Variants in CPA6 observed in about 807,000 individuals in gnomAD.
The protein encoded by CPA6 is carboxypeptidase A6, also known as carboxypeptidase B.
A neutral mutation model predicts 63.3 loss-of-function variants in CPA6; 58 were observed. The observed-to-expected ratio is 0.92, with a 90% CI of 0.74 to 1.14. The LOEUF (loss-of-function observed/expected upper bound fraction) is 1.14. Among genes scored for constraint, CPA6 ranks in the 50% most tolerant of loss-of-function variants. The pLI is 0.00. For missense variants in CPA6, 565 were observed against 526.6 expected (o/e 1.07, Z -0.71); for synonymous variants, 185 against 179.0 (o/e 1.03, Z -0.27).
chr8:67,576,102 G>C lies in CPA6; in HGVS notation c.192+48074C>G, dbSNP rs1813618856. 2.0e-5 allele frequency among the ~76,000 whole-genome samples: 3 copies of C among 152,004 alleles called. No homozygotes were observed. In the South Asian group the frequency reaches 6.2e-4, roughly 32 times the overall value. The stretch of plus-strand genomic sequence containing the variant: ...TAGTAGGAATAAGTTGGATTTTTTT[G>C]AGATCTACTGCACAGCATGGTAAAT... On this transcript the variant is annotated intron_variant, in intron 2 of 10. Coordinates refer to ENST00000297770, the MANE Select transcript of CPA6 (RefSeq NM_020361.5).
intron 1 of CPA6, among the ~76,000 whole-genome samples, chr8:67,730,025 C>T (rs934682777): frequency 4.6e-5 from 7 of 152,198 alleles, no homozygotes; most frequent in East Asian, 1.9e-4. Flanking sequence ...AGATGTAGGG[C>T]GGGGGAGGAT....
At chr8:67,540,584 A>G (rs1001243587) in intron 2 of CPA6, among the ~76,000 whole-genome samples, 1 of 152,208 alleles carries the variant, frequency 6.6e-6, no homozygotes, top group Non-Finnish European at 1.5e-5. Flanking sequence ...GGAACGTTTA[A>G]GTCTCCTCAA....
chr8:67,642,882 A>C (rs1470825043), intron 1 of CPA6, among the ~76,000 whole-genome samples: 1 of 152,282 alleles, frequency 6.6e-6, no homozygotes, highest in African/African-American at 2.4e-5. Flanking sequence ...AAGATTAAGA[A>C]GAAAACATAA....
intron 1 of CPA6, among the ~76,000 whole-genome samples, chr8:67,687,874 G>A (rs1816738447): frequency 6.6e-6 from 1 of 152,162 alleles, no homozygotes; most frequent in Non-Finnish European, 1.5e-5. Context: ...CGATTCAAAT[G>A]CAAGGTTTTG....
At chr8:67,447,039 T>C (rs984726410) in intron 8 of CPA6, among the ~76,000 whole-genome samples, 23 of 124,184 alleles carry the variant, frequency 1.9e-4, no homozygotes, top group Middle Eastern at 4.0e-3. Context: ...TATACACACA[T>C]ATATATATAC....
At chr8:67,518,135 A>G (rs1812186503) in intron 2 of CPA6, 88 bp from the exon 3 acceptor site, 2 of 1,236,170 alleles carry the variant, frequency 1.6e-6, no homozygotes, top group South Asian at 3.7e-5. Flanking sequence ...TTTTGTTTGC[A>G]TATAGTAACA....
chr8:67,576,287 C>T (rs1452213255), intron 2 of CPA6, among the ~76,000 whole-genome samples: 1 of 152,102 alleles, frequency 6.6e-6, no homozygotes, highest in African/African-American at 2.4e-5. Flanking sequence ...TAACTTTATA[C>T]TGCATAAATA....
intron 1 of CPA6, among the ~76,000 whole-genome samples, chr8:67,628,193 A>G (rs898399038): frequency 1.3e-5 from 2 of 151,874 alleles, no homozygotes; most frequent in Non-Finnish European, 2.9e-5. Flanking sequence ...AGCCTGGGTG[A>G]CAGAGCGAGA....
intron 1 of CPA6, among the ~76,000 whole-genome samples, chr8:67,651,698 T>C (rs1815841608): frequency 6.6e-6 from 1 of 152,148 alleles, no homozygotes; most frequent in Admixed American, 6.5e-5. Context: ...GAAGCAGCCA[T>C]AATTTAGTAG....
chr8:67,557,602 T>G (rs1813094222), intron 2 of CPA6, among the ~76,000 whole-genome samples: 1 of 152,152 alleles, frequency 6.6e-6, no homozygotes, highest in African/African-American at 2.4e-5. Context: ...CCCCCTATTT[T>G]CAGAGGTCTG....
chr8:67,725,558 T>C (rs1817581474), intron 1 of CPA6, among the ~76,000 whole-genome samples: 1 of 152,220 alleles, frequency 6.6e-6, no homozygotes, highest in Admixed American at 6.5e-5. Flanking sequence ...AGTCACTCTG[T>C]CACCCAGGCT....
intron 1 of CPA6, among the ~76,000 whole-genome samples, chr8:67,711,876 C>T (rs1587720593): frequency 6.6e-6 from 1 of 152,082 alleles, no homozygotes; most frequent in African/African-American, 2.4e-5. Flanking sequence ...CAATCAATAC[C>T]CTGGTGGCAC....
intron 1 of CPA6, among the ~76,000 whole-genome samples, chr8:67,691,031 A>C (rs1297785161): frequency 2.0e-5 from 3 of 152,236 alleles, no homozygotes; most frequent in Non-Finnish European, 4.4e-5. Context: ...AACTTTCTGT[A>C]CATTAACTTG....
intron 6 of CPA6, among the ~76,000 whole-genome samples, chr8:67,486,777 A>G (rs1316093669): frequency 2.0e-5 from 3 of 152,180 alleles, no homozygotes; most frequent in Non-Finnish European, 4.4e-5. Flanking sequence ...GAAGTTAATG[A>G]AATATAAAAC....
rs148710565 is a variant in CPA6 at position 67,580,463 on chromosome 8, T to C, written c.192+43713A>G. 2.7e-3 allele frequency among the ~76,000 whole-genome samples: 404 copies of C among 152,334 alleles called. 1 individual carries two copies. Among genetic ancestry groups the C allele is most frequent in the African/African-American group, 9.2e-3 (381 of 41,560 alleles). ...ATTATTCAGGGTCCAGTTTTCCTAGTTTAGAAGCCTCAATGTCTTTAAAGT... is the reference window on the plus strand; with the variant it reads ...ATTATTCAGGGTCCAGTTTTCCTAGCTTAGAAGCCTCAATGTCTTTAAAGT... On this transcript the variant is annotated intron_variant, in intron 2 of 10. Transcript: ENST00000297770.
At chr8:67,566,249 A>G (rs1173017160) in intron 2 of CPA6, among the ~76,000 whole-genome samples, 2 of 152,192 alleles carry the variant, frequency 1.3e-5, no homozygotes, top group Non-Finnish European at 2.9e-5. Flanking sequence ...ATATAACACT[A>G]TTGGTCCTGA....
intron 1 of CPA6, among the ~76,000 whole-genome samples, chr8:67,678,251 A>ACACACACACACACG (rs1377797788): frequency 6.6e-6 from 1 of 152,040 alleles, no homozygotes; most frequent in African/African-American, 2.4e-5. Context: ...ACACACACAC[A>ACACACACACACACG]CACACACACA....
At chr8:67,740,883 CA>C (rs202177742) in intron 1 of CPA6, among the ~76,000 whole-genome samples, 1 of 151,650 alleles carries the variant, frequency 6.6e-6, no homozygotes, top group South Asian at 2.1e-4. Context: ...AACTACTTTT[CA>C]AAAAAAATCT....
At chr8:67,489,295 G>A (rs1811554703) in intron 6 of CPA6, among the ~76,000 whole-genome samples, 1 of 151,906 alleles carries the variant, frequency 6.6e-6, no homozygotes, top group Non-Finnish European at 1.5e-5. Context: ...TGGAAAGATT[G>A]GCTCACTAAC....
Sources: gnomAD v4.1 joint callset for allele counts (sites outside exome capture counted in the v4.1 genomes callset) on GRCh38, gnomAD v4.1.1 for gene constraint, MANE v1.5 for transcripts, NCBI Gene and HGNC (gene_info 2026-07-23, HGNC 2026-07-21) for gene names.